IQCB1: variants seen among roughly 807,000 people sequenced by gnomAD.
IQCB1 encodes IQ motif containing B1.
Under a neutral mutation model 84.4 loss-of-function variants are expected in IQCB1, and 56 were observed. The ratio of observed to expected loss-of-function variants is 0.66; its 90% CI spans 0.54 to 0.83. The LOEUF is 0.83. Among genes scored for constraint, IQCB1 ranks in the 40% least tolerant of loss-of-function variants. The pLI is 0.00. For missense variants in IQCB1, 629 were observed against 682.1 expected (o/e 0.92, Z 0.87); for synonymous variants, 210 against 234.8 (o/e 0.89, Z 0.96).
chr3:121,828,985 A>G lies in IQCB1; in HGVS notation c.-12-13T>C. Reference sequence around the variant, plus strand: ...TTTCTCTTATTACCTATATTTTAACAGAATCAGAGAATAAAGGTCAAAAAG... The same window carrying G: ...TTTCTCTTATTACCTATATTTTAACGGAATCAGAGAATAAAGGTCAAAAAG... On this transcript the variant is annotated splice_polypyrimidine_tract_variant and intron_variant, in intron 2 of 14. Coordinates refer to ENST00000310864, the MANE Select transcript of IQCB1 (RefSeq NM_001023570.4). 3 of 1,373,642 alleles carry G rather than the reference A, an allele frequency of 2.2e-6. No homozygotes were observed. Among genetic ancestry groups the G allele is most frequent in the Non-Finnish European group, 2.1e-6 (2 of 961,778 alleles). 85.1% of individuals were successfully genotyped at this position (1,373,642 alleles called of 1,614,324 possible).
chr3:121,811,953 G>T (rs1404135497), intron 5 of IQCB1, among the ~76,000 whole-genome samples: 1 of 152,210 alleles, frequency 6.6e-6, no homozygotes, highest in Non-Finnish European at 1.5e-5. Context: ...CTCTGCTAAG[G>T]AACAGAATGC....
chr3:121,831,136 T>G (rs2108649080), intron 2 of IQCB1, among the ~76,000 whole-genome samples: 1 of 151,594 alleles, frequency 6.6e-6, no homozygotes, highest in Non-Finnish European at 1.5e-5. Flanking sequence ...TCTGTGCCCC[T>G]TCCCATACTT....
chr3:121,796,587 C>A (rs549925949), intron 9 of IQCB1, among the ~76,000 whole-genome samples: 42 of 152,058 alleles, frequency 2.8e-4, no homozygotes, highest in African/African-American at 9.2e-4. Context: ...AAGGAAAAGG[C>A]ATTATTGTTG....
At chr3:121,781,663 A>ACT in intron 13 of IQCB1, 80 bp downstream of exon 13, 15 of 1,046,432 alleles carry the variant, frequency 1.4e-5, no homozygotes, top group Non-Finnish European at 2.0e-5. Flanking sequence ...ACACACACAC[A>ACT]ATATATGTGT....
chr3:121,817,179 G>A (rs181053245), intron 5 of IQCB1, among the ~76,000 whole-genome samples: 11 of 152,254 alleles, frequency 7.2e-5, no homozygotes, highest in Non-Finnish European at 1.2e-4. Flanking sequence ...AACACTGCAT[G>A]TTCTCACTCA....
intron 5 of IQCB1, among the ~76,000 whole-genome samples, chr3:121,809,590 T>C (rs796865385): frequency 5.9e-5 from 9 of 152,214 alleles, no homozygotes; most frequent in African/African-American, 2.2e-4. Context: ...TTCTGACACA[T>C]AGTAAATGTT....
At chr3:121,799,464 T>C in intron 7 of IQCB1, 90 bp from the exon 8 acceptor site, 1 of 795,658 alleles carries the variant, frequency 1.3e-6, no homozygotes, top group South Asian at 1.6e-5. Context: ...AGTAACTTGA[T>C]GCCGGACTGT....
At chr3:121,811,845 T>C (rs556515319) in intron 5 of IQCB1, among the ~76,000 whole-genome samples, 33 of 152,156 alleles carry the variant, frequency 2.2e-4, no homozygotes, top group Admixed American at 3.9e-4. Context: ...TGGGTGCAGT[T>C]TCAGCAGACT....
chr3:121,813,047 C>T (rs1949892045), intron 5 of IQCB1, among the ~76,000 whole-genome samples: 1 of 152,148 alleles, frequency 6.6e-6, no homozygotes, highest in African/African-American at 2.4e-5. Flanking sequence ...CAAAGGGAAG[C>T]CCATCAGACT....
At chr3:121,791,222 T>G (rs1320745862) in intron 10 of IQCB1, among the ~76,000 whole-genome samples, 1 of 152,222 alleles carries the variant, frequency 6.6e-6, no homozygotes, top group African/African-American at 2.4e-5. Flanking sequence ...TTAAACTGTA[T>G]TCTTAGAATT....
At position 121,828,582 on chromosome 3, in the gene IQCB1, G is replaced by A. The variant is rs761441175; in HGVS notation, c.151C>T (p.Gln51Ter). 6.2e-7 allele frequency: 1 copy of A among 1,604,460 alleles called. No individual in the cohort carries two copies. Among genetic ancestry groups the A allele is most frequent in the Non-Finnish European group, 8.5e-7 (1 of 1,171,454 alleles). The change falls in exon 4 of 15, where the codon CAA (glutamine) becomes TAA (stop). Residue 51 changes from glutamine to a stop codon, truncating the protein, a stop_gained. Transcript: ENST00000310864. LOFTEE classifies it high-confidence loss of function. The stretch of plus-strand genomic sequence containing the variant: ...ATGAGATCATAACAATATATATCTT[G>A]TTTGATTTTCTTCAACTCTGAGCTT... Reference protein sequence around the residue: ...LGSSELKKIKQDIYCYDLIQY... With the variant: ...LGSSELKKIK
At chr3:121,784,325 T>G (rs528872545) in intron 12 of IQCB1, among the ~76,000 whole-genome samples, 170 of 152,186 alleles carry the variant, frequency 1.1e-3, no homozygotes, top group Non-Finnish European at 2.0e-3. Flanking sequence ...GGATTACAGG[T>G]GTGTGCCACT....
In IQCB1 at chr3:121,781,816, C is replaced by T; in HGVS notation, c.1337G>A (p.Gly446Glu). ...KKKKLFAPWRGLQELTDARRV... is the reference protein window; with the variant it reads ...KKKKLFAPWRELQELTDARRV... ...GCGTGCATCAGTGAGTTCTTGGAGT[C>T]CTCGCCAAGGAGCAAATAGTTTCTT... Residue 446 changes from glycine (G) to glutamate (E), a missense_variant, in exon 13 of 15, where the codon GGA (glycine) becomes GAA (glutamate). By Grantham distance (98) the Gly-to-Glu change is moderately conservative. Transcript: ENST00000310864. 6.2e-7 allele frequency: 1 copy of T among 1,613,768 alleles called. No homozygotes were observed. Among genetic ancestry groups the T allele is most frequent in the South Asian group, 1.1e-5 (1 of 91,066 alleles).
At chr3:121,821,583 G>T (rs1048633509) in intron 5 of IQCB1, among the ~76,000 whole-genome samples, 2 of 152,170 alleles carry the variant, frequency 1.3e-5, no homozygotes, top group African/African-American at 4.8e-5. Flanking sequence ...GAACTCTGTG[G>T]CTATAGTGAA....
chr3:121,797,807 G>A (rs9877946), intron 8 of IQCB1, among the ~76,000 whole-genome samples: 97,688 of 151,774 alleles, frequency 0.64, 31,923 homozygotes, highest in African/African-American at 0.71. Context: ...ATAATACATA[G>A]TAGTAGTGAA....
intron 5 of IQCB1, among the ~76,000 whole-genome samples, chr3:121,820,743 G>A (rs1040298371): frequency 1.3e-5 from 2 of 151,646 alleles, no homozygotes; most frequent in Non-Finnish European, 2.9e-5. Context: ...TATAAAAGCA[G>A]TGTCTGATAG....
intron 10 of IQCB1, 126 bp downstream of exon 10, chr3:121,795,331 A>G (rs1205055058): frequency 5.6e-6 from 4 of 709,596 alleles, no homozygotes; most frequent in Non-Finnish European, 1.0e-5. Flanking sequence ...CCAGAAACGT[A>G]TGGAAAAAAA....
At chr3:121,828,704 T>A (rs1950536178) in intron 3 of IQCB1, 72 bp from the exon 4 acceptor site, 1 of 1,144,222 alleles carries the variant, frequency 8.7e-7, no homozygotes, top group East Asian at 2.5e-5. Context: ...TTTTTATATG[T>A]TGAATAATCA....
intron 10 of IQCB1, among the ~76,000 whole-genome samples, chr3:121,794,749 A>G (rs1386233650): frequency 1.3e-5 from 2 of 152,138 alleles, no homozygotes; most frequent in Non-Finnish European, 2.9e-5. Context: ...TATAACTGAG[A>G]AATGCATCTG....
Sources: allele counts gnomAD v4.1 joint callset (sites outside exome capture counted in the v4.1 genomes callset), GRCh38; gene constraint gnomAD v4.1.1; transcripts MANE v1.5; gene names NCBI Gene and HGNC (gene_info 2026-07-23, HGNC 2026-07-21).